The following TTC7A variants were observed in gnomAD, a reference collection of about 807,000 sequenced individuals.
The protein encoded by TTC7A is tetratricopeptide repeat domain 7A, also known as tetratricopeptide repeat protein 7A.
A neutral mutation model predicts 103.7 loss-of-function variants in TTC7A; 110 were observed. The ratio of observed to expected loss-of-function variants is 1.06; its 90% CI spans 0.91 to 1.24. The LOEUF is 1.24. Ranked by LOEUF, TTC7A falls within the 50% of genes most tolerant of loss-of-function variation. TTC7A has a pLI of 0.00. For missense variants in TTC7A, 1,340 were observed against 1,116.3 expected (o/e 1.20, Z -2.86); for synonymous variants, 521 against 467.9 (o/e 1.11, Z -1.47).
intron 15 of TTC7A, among the ~76,000 whole-genome samples, chr2:47,043,325 G>T (rs1487204965): frequency 6.6e-6 from 1 of 152,210 alleles, no homozygotes; most frequent in African/African-American, 2.4e-5. Flanking sequence ...CTTAGAGGGG[G>T]TTGTGCACAG....
At chr2:47,023,114 G>A (rs1679477240) in intron 12 of TTC7A, among the ~76,000 whole-genome samples, 1 of 152,226 alleles carries the variant, frequency 6.6e-6, no homozygotes, top group African/African-American at 2.4e-5. Flanking sequence ...CTCTCTCAAG[G>A]CTTGGGCCTC....
intron 19 of TTC7A, among the ~76,000 whole-genome samples, chr2:47,070,712 GAGA>G (rs201180602): frequency 0.017 from 2,617 of 152,206 alleles, 32 homozygotes; most frequent in South Asian, 0.064. Context: ...CAGGAAGGGA[GAGA>G]AGGAGGGTCC....
intron 15 of TTC7A, among the ~76,000 whole-genome samples, chr2:47,030,871 C>A (rs886716816): frequency 2.0e-5 from 3 of 152,204 alleles, no homozygotes; most frequent in Non-Finnish European, 4.4e-5. Flanking sequence ...AAAGGCCAGG[C>A]GCAGTGGCTC....
chr2:47,003,862 T>C (rs1315183876), intron 8 of TTC7A, among the ~76,000 whole-genome samples: 3 of 152,212 alleles, frequency 2.0e-5, no homozygotes, highest in African/African-American at 7.2e-5. Flanking sequence ...TGGCCAGAGC[T>C]GGGGAGCTGC....
intron 14 of TTC7A, 82 bp from the exon 15 acceptor site, chr2:47,029,142 C>T (rs1572960130): frequency 1.3e-6 from 2 of 1,526,226 alleles, no homozygotes; most frequent in Non-Finnish European, 1.8e-6. Flanking sequence ...AGTGTGAGTG[C>T]CCTTGTTGAC....
chr2:47,035,379 G>A (rs945459807), intron 15 of TTC7A: 16 of 152,226 alleles, frequency 1.1e-4, no homozygotes, highest in African/African-American at 3.4e-4. Context: ...TGCAAGCCAC[G>A]TGGCAGAGGG....
At chr2:46,953,029 C>T (rs1272502228) in intron 2 of TTC7A, among the ~76,000 whole-genome samples, 1 of 152,178 alleles carries the variant, frequency 6.6e-6, no homozygotes, top group South Asian at 2.1e-4. Context: ...TTATTAAATA[C>T]AAATTGTACC....
intron 18 of TTC7A, among the ~76,000 whole-genome samples, chr2:47,059,129 C>T (rs1308127657): frequency 6.9e-6 from 1 of 144,902 alleles, no homozygotes; most frequent in Non-Finnish European, 1.5e-5. Context: ...TCAATGAACT[C>T]TCTGCCTCAG....
intron 3 of TTC7A, among the ~76,000 whole-genome samples, chr2:46,972,719 A>G (rs1464841616): frequency 6.6e-6 from 1 of 152,244 alleles, no homozygotes; most frequent in Non-Finnish European, 1.5e-5. Flanking sequence ...AGCATGGGTA[A>G]CTTCTGCAGG....
intron 15 of TTC7A, among the ~76,000 whole-genome samples, chr2:47,036,735 G>A (rs925748015): frequency 2.0e-5 from 3 of 152,236 alleles, no homozygotes; most frequent in Non-Finnish European, 2.9e-5. Flanking sequence ...GCACACACCT[G>A]TAGTCCCAAC....
At chr2:46,962,534 A>G (rs1672475874) in intron 3 of TTC7A, among the ~76,000 whole-genome samples, 1 of 152,130 alleles carries the variant, frequency 6.6e-6, no homozygotes. Context: ...ACTTCCTTTG[A>G]GGGAGTGGCA....
chr2:47,061,423 T>A (rs761564705), intron 19 of TTC7A, among the ~76,000 whole-genome samples: 1 of 152,078 alleles, frequency 6.6e-6, no homozygotes, highest in Non-Finnish European at 1.5e-5. Context: ...CCACATCTCT[T>A]TGGTGGGATT....
At chr2:46,974,187 T>G (rs1031769238) in intron 3 of TTC7A, among the ~76,000 whole-genome samples, 1 of 152,176 alleles carries the variant, frequency 6.6e-6, no homozygotes, top group African/African-American at 2.4e-5. Context: ...AAAGCTTAGC[T>G]TAGGGGAAAA....
At chr2:47,018,108 C>T (rs1678867958) in intron 11 of TTC7A, among the ~76,000 whole-genome samples, 1 of 151,716 alleles carries the variant, frequency 6.6e-6, no homozygotes, top group Non-Finnish European at 1.5e-5. Flanking sequence ...GAAACCCCAT[C>T]TCTACAAACA....
rs973996890 is a variant in TTC7A, at chr2:47,007,116, T to G, written c.1287+392T>G. On this transcript the variant is annotated intron_variant, in intron 10 of 19. Coordinates refer to ENST00000319190, the MANE Select transcript of TTC7A (RefSeq NM_020458.4). This position sits in a 1 kb window ranked among gnomAD's most constrained non-coding sequence, Gnocchi z 4.9. ...GTCCACTGAGCATAGCATCAGGAAA[T>G]GGCCTGCTTGTGGACTGGAGACTTG... Among the ~76,000 whole-genome samples the G allele has an allele frequency of 2.0e-5, 3 of 152,076 alleles. No individual in the cohort carries two copies. The highest frequency in any genetic ancestry group is 4.1e-4 in the South Asian group (2 of 4,824).
At chr2:47,018,641 G>C (rs989335723) in intron 11 of TTC7A, among the ~76,000 whole-genome samples, 1 of 148,600 alleles carries the variant, frequency 6.7e-6, no homozygotes, top group Non-Finnish European at 1.5e-5. Flanking sequence ...ATATAAGAAA[G>C]TAGATATCAT....
chr2:46,927,957 G>A (rs534139411), intron 2 of TTC7A, among the ~76,000 whole-genome samples: 10 of 135,828 alleles, frequency 7.4e-5, no homozygotes, highest in East Asian at 2.1e-4. Flanking sequence ...ATAGTGGCAC[G>A]GTCATGGCTC....
chr2:46,949,726 T>G (rs17035919), intron 1 of TTC7A, among the ~76,000 whole-genome samples: 19,593 of 152,154 alleles, frequency 0.13, 1,368 homozygotes, highest in African/African-American at 0.16. Flanking sequence ...CTGAGTCATG[T>G]CAAATTACCT....
chr2:47,034,592 A>G (rs779725574), intron 15 of TTC7A, among the ~76,000 whole-genome samples: 12 of 152,136 alleles, frequency 7.9e-5, no homozygotes, highest in African/African-American at 1.2e-4. Flanking sequence ...TCAGCTCATG[A>G]TGGGAGCTTT....
Sources: allele counts gnomAD v4.1 joint callset (sites outside exome capture counted in the v4.1 genomes callset), GRCh38; gene constraint gnomAD v4.1.1; non-coding constraint Gnocchi (gnomAD v3.1); transcripts MANE v1.5; gene names NCBI Gene and HGNC (gene_info 2026-07-23, HGNC 2026-07-21).